ABLIM1: variants seen among roughly 807,000 people sequenced by gnomAD.
ABLIM1 encodes the protein actin binding LIM protein 1.
In ABLIM1, 40 loss-of-function variants were observed where a neutral mutation model predicts 107.0. That is an observed-to-expected ratio of 0.37 (90% CI 0.29 to 0.49). The LOEUF is 0.49. Among genes scored for constraint, ABLIM1 ranks in the 20% least tolerant of loss-of-function variants. The probability of loss-of-function intolerance (pLI) is 0.97; values close to 1 mark genes in which losing one functional copy is unlikely to be tolerated. For synonymous variants in ABLIM1, 357 were observed against 357.3 expected (o/e 1.00, Z 0.01); for missense variants, 857 against 1,008.5 (o/e 0.85, Z 2.04).
intron 1 of ABLIM1, among the ~76,000 whole-genome samples, chr10:114,716,783 T>G (rs74158041): frequency 0.053 from 8,097 of 151,410 alleles, 342 homozygotes; most frequent in African/African-American, 0.11. Context: ...GCTAGCTGCT[T>G]CTGCAGATGC....
intron 1 of ABLIM1, among the ~76,000 whole-genome samples, chr10:114,627,021 C>A (rs1010316681): frequency 6.6e-6 from 1 of 152,196 alleles, no homozygotes; most frequent in African/African-American, 2.4e-5. Context: ...ACCTTGACCT[C>A]AGGCTTGTAG....
chr10:114,438,540 C>T (rs1033553441), intron 21 of ABLIM1, among the ~76,000 whole-genome samples: 5 of 152,190 alleles, frequency 3.3e-5, no homozygotes, highest in Admixed American at 2.6e-4. Context: ...GGATTACAGG[C>T]GTAAGCCACT....
At chr10:114,504,943 T>C (rs2497703) in intron 6 of ABLIM1, among the ~76,000 whole-genome samples, 84,609 of 151,972 alleles carry the variant, frequency 0.56, 24,630 homozygotes, top group African/African-American at 0.74. Flanking sequence ...TCATATGACA[T>C]GGAGAGAGGA....
rs532726545 is a variant in ABLIM1 at position 114,526,928 on chromosome 10, C to A, written c.894+18077G>T. ...CGCTCTCTCACGCCTCCTCTCCTCG[C>A]TTTACTTACTAGTTCAACACACCAG... is the stretch of plus-strand genomic sequence containing the variant. On this transcript the variant is annotated intron_variant, in intron 6 of 22. Transcript: ENST00000533213. 99 of 985,508 alleles carry A rather than the reference C, an allele frequency of 1.0e-4. No individual in the cohort carries two copies. The African/African-American group carries it at 1.7e-3, about 16-fold the overall frequency. 61.0% of individuals were successfully genotyped at this position (985,508 alleles called of 1,614,324 possible).
At chr10:114,716,662 A>G (rs2081672428) in intron 1 of ABLIM1, among the ~76,000 whole-genome samples, 1 of 152,192 alleles carries the variant, frequency 6.6e-6, no homozygotes, top group Non-Finnish European at 1.5e-5. Flanking sequence ...TGGTCTAAAT[A>G]ATACCACCAA....
intron 12 of ABLIM1, among the ~76,000 whole-genome samples, chr10:114,461,546 T>G (rs543009913): frequency 1.2e-4 from 18 of 152,210 alleles, no homozygotes; most frequent in Non-Finnish European, 2.4e-4. Flanking sequence ...CGGCTGAGCA[T>G]GATAGCTCAC....
intron 6 of ABLIM1, among the ~76,000 whole-genome samples, chr10:114,541,716 C>T (rs2066681078): frequency 1.3e-5 from 2 of 152,242 alleles, no homozygotes; most frequent in Admixed American, 6.5e-5. Context: ...ACAAAACGGC[C>T]TTCACAGAAA....
At chr10:114,785,864 G>A in the ABLIM1 span, among the ~76,000 whole-genome samples, 1 of 152,142 alleles carries the variant, frequency 6.6e-6, no homozygotes, top group African/African-American at 2.4e-5. Flanking sequence ...GAGTAGCTGG[G>A]ATTACAGGTG....
chr10:114,577,749 C>A (rs1459192852), intron 2 of ABLIM1, among the ~76,000 whole-genome samples: 1 of 152,062 alleles, frequency 6.6e-6, no homozygotes, highest in Non-Finnish European at 1.5e-5. Context: ...TTGGCTTTTT[C>A]CTTAAAGTAG....
chr10:114,498,353 A>T (rs1341173002), intron 6 of ABLIM1, among the ~76,000 whole-genome samples: 1 of 152,206 alleles, frequency 6.6e-6, no homozygotes, highest in Non-Finnish European at 1.5e-5. Context: ...TGGCAGAAAA[A>T]TGGAGTTTAA....
At chr10:114,748,728 C>T (rs2082442193) in intron 1 of ABLIM1, among the ~76,000 whole-genome samples, 1 of 149,930 alleles carries the variant, frequency 6.7e-6, no homozygotes, top group Admixed American at 6.7e-5. Context: ...ATGATCATAG[C>T]TCAGTGCAGC....
intron 1 of ABLIM1, among the ~76,000 whole-genome samples, chr10:114,641,341 T>C (rs889144302): frequency 1.3e-5 from 2 of 150,808 alleles, no homozygotes; most frequent in Non-Finnish European, 3.0e-5. Context: ...TATTCATTCA[T>C]GCAACACATA....
intron 6 of ABLIM1, among the ~76,000 whole-genome samples, chr10:114,532,406 C>A (rs1021292168): frequency 2.9e-4 from 44 of 152,338 alleles, no homozygotes; most frequent in African/African-American, 8.9e-4. Flanking sequence ...AGTCCATCTG[C>A]TGGAATTGGC....
rs370621673 is a variant in ABLIM1 at position 114,575,550 on chromosome 10, C to T, written c.429G>A (p.Glu143=). 33 of 1,614,100 alleles carry T rather than the reference C, an allele frequency of 2.0e-5. No individual in the cohort carries two copies. The highest frequency in any genetic ancestry group is 2.7e-5 in the African/African-American group (2 of 74,948). The change falls in exon 3 of 23, where the codon GAG becomes GAA. Residue 143 remains glutamate, a synonymous_variant. Coordinates refer to ENST00000533213, the MANE Select transcript of ABLIM1 (RefSeq NM_002313.7). The part of the protein sequence containing the change: ...AQGGFFIKNG[E]YLCTLDYQRM... ...GCTGGTAGTCCAGGGTGCAGAGATA[C>T]TCTCCGTTCTTTATGAAGAAGCCCC...
chr10:114,681,597 C>G (rs568349564), intron 1 of ABLIM1, among the ~76,000 whole-genome samples: 2 of 152,312 alleles, frequency 1.3e-5, no homozygotes, highest in African/African-American at 4.8e-5. Flanking sequence ...TACTACATCC[C>G]CTTCTAACTC....
At chr10:114,535,322 T>TC (rs1283895349) in intron 6 of ABLIM1, among the ~76,000 whole-genome samples, 1 of 152,044 alleles carries the variant, frequency 6.6e-6, no homozygotes, top group African/African-American at 2.4e-5. Context: ...CTTTTTTTTT[T>TC]CTCCCTGAGA....
At chr10:114,652,941 G>C (rs1025895617) in intron 1 of ABLIM1, among the ~76,000 whole-genome samples, 6 of 152,142 alleles carry the variant, frequency 3.9e-5, no homozygotes, top group Non-Finnish European at 7.3e-5. Flanking sequence ...TACTTTATGG[G>C]AGTCTTCAAA....
intron 6 of ABLIM1, among the ~76,000 whole-genome samples, chr10:114,495,575 T>C (rs1033804630): frequency 1.3e-5 from 2 of 152,036 alleles, no homozygotes; most frequent in African/African-American, 4.8e-5. Context: ...GTGATGATGA[T>C]GGTAATGATG....
chr10:114,474,715 T>A (rs1211321974), intron 8 of ABLIM1, among the ~76,000 whole-genome samples: 3 of 152,204 alleles, frequency 2.0e-5, no homozygotes, highest in Non-Finnish European at 2.9e-5. Flanking sequence ...GGATGGTCAC[T>A]ACTCTGCTTT....
Sources: allele counts gnomAD v4.1 joint callset (sites outside exome capture counted in the v4.1 genomes callset), GRCh38; gene constraint gnomAD v4.1.1; transcripts MANE v1.5; gene names NCBI Gene and HGNC (gene_info 2026-07-23, HGNC 2026-07-21).